NXN: variants seen among roughly 807,000 people sequenced by gnomAD.
NXN encodes nucleoredoxin 1.
A neutral mutation model predicts 48.6 loss-of-function variants in NXN; 16 were observed. That is an observed-to-expected ratio of 0.33 (90% CI 0.22 to 0.50). The LOEUF is 0.50. Among genes scored for constraint, NXN ranks in the 20% least tolerant of loss-of-function variants. NXN has a pLI of 0.98. For missense variants in NXN, 492 were observed against 605.5 expected (o/e 0.81, Z 1.97); for synonymous variants, 281 against 269.6 (o/e 1.04, Z -0.41).
At position 906,515 on chromosome 17, in the gene NXN, C is replaced by G. The variant is rs1053025082; in HGVS notation, c.360+72804G>C. On this transcript the variant is annotated intron_variant, in intron 1 of 7. Coordinates refer to ENST00000336868, the MANE Select transcript of NXN (RefSeq NM_022463.5). ...ACACAACTTCCTCACAAGGCTGTCT[C>G]GAGGCTCATGTATTATAATGCAGAA... Among the ~76,000 whole-genome samples the G allele has an allele frequency of 6.6e-5, 10 of 151,692 alleles. No individual in the cohort carries two copies. The South Asian group carries it at 1.5e-3, about 22-fold the overall frequency.
At chr17:887,217 TCA>T (rs2068358275) in intron 1 of NXN, among the ~76,000 whole-genome samples, 1 of 152,128 alleles carries the variant, frequency 6.6e-6, no homozygotes, top group Non-Finnish European at 1.5e-5. Flanking sequence ...GCGCCTGGCC[TCA>T]GTCTTTTATC....
chr17:950,139 G>T (rs1212237419), intron 1 of NXN, among the ~76,000 whole-genome samples: 1 of 152,170 alleles, frequency 6.6e-6, no homozygotes, highest in Admixed American at 6.5e-5. Flanking sequence ...ACATCCATGG[G>T]TCACAGCAGG....
At chr17:847,093 G>A (rs1021780431) in intron 1 of NXN, among the ~76,000 whole-genome samples, 2 of 152,290 alleles carry the variant, frequency 1.3e-5, no homozygotes, top group Middle Eastern at 3.4e-3. Flanking sequence ...AGAAGAGCAG[G>A]AAGTGTGGTT....
chr17:943,351 C>T (rs1034457276), intron 1 of NXN, among the ~76,000 whole-genome samples: 7 of 152,020 alleles, frequency 4.6e-5, no homozygotes, highest in East Asian at 1.9e-4. Context: ...GGAGGCTCCA[C>T]GGAGGTCGAC....
Position 948,193 on chromosome 17 carries a change from A to G in NXN, c.360+31126T>C, listed in dbSNP as rs562460078. 9.3e-4 allele frequency among the ~76,000 whole-genome samples: 142 copies of G among 152,328 alleles called. 1 individual carries two copies. Among genetic ancestry groups the G allele is most frequent in the Non-Finnish European group, 1.8e-3 (120 of 68,028 alleles). On this transcript the variant is annotated intron_variant, in intron 1 of 7. Coordinates refer to ENST00000336868, the MANE Select transcript of NXN (RefSeq NM_022463.5). Reference sequence around the variant, plus strand: ...TTAGGTATTACTCATAATACATTGTATTAGGAATTATAAGTAATCTAGAGG... The same window carrying G: ...TTAGGTATTACTCATAATACATTGTGTTAGGAATTATAAGTAATCTAGAGG...
chr17:900,879 A>C (rs1286315717), intron 1 of NXN, among the ~76,000 whole-genome samples: 1 of 151,814 alleles, frequency 6.6e-6, no homozygotes, highest in African/African-American at 2.4e-5. Context: ...TTTGAGAGAA[A>C]AGTGTGGACT....
intron 4 of NXN, 38 bp from the exon 5 acceptor site, chr17:819,583 C>A: frequency 7.3e-7 from 1 of 1,374,292 alleles, no homozygotes. Flanking sequence ...GGCTCAGTAT[C>A]CCCACTGCAC....
rs200179198 is a variant in NXN at position 844,671 on chromosome 17, G to A, written c.361-18593C>T. Among the ~76,000 whole-genome samples the A allele has an allele frequency of 4.0e-5, 6 of 151,706 alleles. No homozygotes were observed. The South Asian group carries it at 1.2e-3, about 32-fold the overall frequency. Reference sequence around the variant, plus strand: ...GCGATCTTGGCTCACTACAACCTCCGCCTCCCAGGTTCAAGCGATTCTCCT... The same window carrying A: ...GCGATCTTGGCTCACTACAACCTCCACCTCCCAGGTTCAAGCGATTCTCCT... On this transcript the variant is annotated intron_variant, in intron 1 of 7. Transcript: ENST00000336868.
At chr17:889,355 C>G (rs1033731848) in intron 1 of NXN, among the ~76,000 whole-genome samples, 3 of 152,250 alleles carry the variant, frequency 2.0e-5, no homozygotes, top group African/African-American at 7.2e-5. Flanking sequence ...CGCAGTGATC[C>G]TGCATCGGAG....
At chr17:864,032 G>A (rs1303786338) in intron 1 of NXN, 1 of 1,525,098 alleles carries the variant, frequency 6.6e-7, no homozygotes, top group Non-Finnish European at 8.8e-7. Flanking sequence ...GGGTTCCGGT[G>A]AAGGGACACG....
At chr17:859,515 C>T (rs2068020489) in intron 1 of NXN, among the ~76,000 whole-genome samples, 2 of 152,150 alleles carry the variant, frequency 1.3e-5, no homozygotes, top group Admixed American at 6.6e-5. Flanking sequence ...CCCAGCAACC[C>T]TTATGCAGGA....
At position 958,522 on chromosome 17, in the gene NXN, C is replaced by T. The variant is rs1206444777; in HGVS notation, c.360+20797G>A. 1.3e-5 allele frequency among the ~76,000 whole-genome samples: 2 copies of T among 152,128 alleles called. No homozygotes were observed. Among genetic ancestry groups the T allele is most frequent in the Non-Finnish European group, 2.9e-5 (2 of 68,022 alleles). ...AAAAATTAGCTCACTCCTATCATCC[C>T]AGCACTTTGGGAGGCCGAAGCGGGT... On this transcript the variant is annotated intron_variant, in intron 1 of 7. Transcript: ENST00000336868. The surrounding 1 kb of genome is among the most constrained non-coding windows in gnomAD (Gnocchi z 6.9).
intron 5 of NXN, among the ~76,000 whole-genome samples, chr17:815,433 A>T (rs1912413333): frequency 6.6e-6 from 1 of 150,796 alleles, no homozygotes; most frequent in African/African-American, 2.5e-5. Flanking sequence ...TCCACTCTAG[A>T]TCCCTAAGCT....
intron 1 of NXN, among the ~76,000 whole-genome samples, chr17:850,432 G>A (rs2144744629): frequency 6.6e-6 from 1 of 152,342 alleles, no homozygotes; most frequent in African/African-American, 2.4e-5. Context: ...TTTCACATGT[G>A]TGTGGACATG....
chr17:937,668 A>C (rs2068921998), intron 1 of NXN, among the ~76,000 whole-genome samples: 1 of 152,160 alleles, frequency 6.6e-6, no homozygotes, highest in Non-Finnish European at 1.5e-5. Context: ...TTTTCTGCAC[A>C]GATTCCAGGG....
intron 1 of NXN, among the ~76,000 whole-genome samples, chr17:884,544 A>G (rs2467261): frequency 0.38 from 57,150 of 152,144 alleles, 13,858 homozygotes; most frequent in African/African-American, 0.69. Flanking sequence ...CAGGGGAAGG[A>G]CAACACTCTG....
chr17:830,587 C>T lies in NXN; in HGVS notation c.361-4509G>A, dbSNP rs535249049. Among the ~76,000 whole-genome samples, 4 of 152,202 alleles carry T rather than the reference C, an allele frequency of 2.6e-5. No homozygotes were observed. The highest frequency in any genetic ancestry group is 9.6e-5 in the African/African-American group (4 of 41,532). ...TCTGAGTAGATGAGAGAACCAGGGG[C>T]GGCGGCTGTGATGAGGTCAGAGATC... On this transcript the variant is annotated intron_variant, in intron 1 of 7. Transcript: ENST00000336868. The surrounding 1 kb of genome is among the most constrained non-coding windows in gnomAD (Gnocchi z 4.2).
intron 1 of NXN, among the ~76,000 whole-genome samples, chr17:966,643 G>A (rs189874533): frequency 2.0e-5 from 3 of 152,130 alleles, no homozygotes; most frequent in Non-Finnish European, 2.9e-5. Context: ...CACCACGCCC[G>A]GCTGGTGTTC....
rs1403838141 is a variant in NXN at position 948,327 on chromosome 17, T to A, written c.360+30992A>T. ...ACCATAAATATGTACACCATAAAAATTAAACAATAAAGAAAGAAAACAAAG... is the reference window on the plus strand; with the variant it reads ...ACCATAAATATGTACACCATAAAAAATAAACAATAAAGAAAGAAAACAAAG... On this transcript the variant is annotated intron_variant, in intron 1 of 7. Coordinates refer to ENST00000336868, the MANE Select transcript of NXN (RefSeq NM_022463.5). Among the ~76,000 whole-genome samples the A allele has an allele frequency of 2.0e-5, 3 of 150,774 alleles. No homozygotes were observed. In the East Asian group the frequency reaches 5.8e-4, roughly 29 times the overall value.
Sources: allele counts gnomAD v4.1 joint callset (sites outside exome capture counted in the v4.1 genomes callset), GRCh38; gene constraint gnomAD v4.1.1; non-coding constraint Gnocchi (gnomAD v3.1); transcripts MANE v1.5; gene names NCBI Gene and HGNC (gene_info 2026-07-23, HGNC 2026-07-21).